The following KCNK12 variants were observed in gnomAD, a reference collection of about 807,000 sequenced individuals.
The protein encoded by KCNK12 is potassium two pore domain channel subfamily K member 12, also known as potassium channel subfamily K member 12.
A neutral mutation model predicts 25.3 loss-of-function variants in KCNK12; 6 were observed. The observed-to-expected ratio is 0.24, with a 90% CI of 0.13 to 0.47. The LOEUF is 0.47. KCNK12 is among the 20% of genes least tolerant of loss of function. The pLI, the probability that KCNK12 is intolerant of heterozygous loss-of-function variation, is 0.99. For synonymous variants in KCNK12, 331 were observed against 311.1 expected (o/e 1.06, Z -0.67); for missense variants, 444 against 661.7 (o/e 0.67, Z 3.61).
intron 1 of KCNK12, among the ~76,000 whole-genome samples, chr2:47,559,860 C>G (rs1411256399): frequency 1.3e-5 from 2 of 152,192 alleles, no homozygotes; most frequent in Non-Finnish European, 2.9e-5. Context: ...ACTGATTTCA[C>G]CTGGTAGAAA....
In KCNK12 at chr2:47,514,480, C is replaced by G. The variant is rs1668477828; in HGVS notation, c.*6427G>C. Among the ~76,000 whole-genome samples, 1 of 152,196 alleles carries G rather than the reference C, an allele frequency of 6.6e-6. No individual in the cohort carries two copies. Among genetic ancestry groups the G allele is most frequent in the Non-Finnish European group, 1.5e-5 (1 of 68,032 alleles). On this transcript the variant is annotated 3_prime_UTR_variant, in exon 2 of 2. Coordinates refer to ENST00000327876, the MANE Select transcript of KCNK12 (RefSeq NM_022055.2). This position sits in a 1 kb window ranked among gnomAD's most constrained non-coding sequence, Gnocchi z 5.0. ...GTTACTTGACCTCTCTGACCCAAGACAAAATGGGAGGAAAGTGCCAAATTT... is the reference window on the plus strand; with the variant it reads ...GTTACTTGACCTCTCTGACCCAAGAGAAAATGGGAGGAAAGTGCCAAATTT...
chr2:47,540,949 A>G lies in KCNK12; in HGVS notation c.392-19141T>C, dbSNP rs553621120. ...GGCAACAGAGTGAGACCCTGTCTCTACATAAATCAGTAAGATCCATCTGTG... is the reference window on the plus strand; with the variant it reads ...GGCAACAGAGTGAGACCCTGTCTCTGCATAAATCAGTAAGATCCATCTGTG... On this transcript the variant is annotated intron_variant, in intron 1 of 1. Transcript: ENST00000327876. This position sits in a 1 kb window ranked among gnomAD's most constrained non-coding sequence, Gnocchi z 5.4. 3.3e-5 allele frequency among the ~76,000 whole-genome samples: 5 copies of G among 152,204 alleles called. No homozygotes were observed. Among genetic ancestry groups the G allele is most frequent in the Non-Finnish European group, 7.3e-5 (5 of 68,032 alleles).
chr2:47,524,587 A>C (rs1025382304), intron 1 of KCNK12, among the ~76,000 whole-genome samples: 1 of 152,172 alleles, frequency 6.6e-6, no homozygotes, highest in Non-Finnish European at 1.5e-5. Flanking sequence ...TAAAAGTCAG[A>C]ATTGGGATTT....
At chr2:47,527,471 T>C (rs1668808637) in intron 1 of KCNK12, 2 of 152,506 alleles carry the variant, frequency 1.3e-5, no homozygotes, top group South Asian at 4.1e-4. Context: ...AGACTGCTGC[T>C]TCTGGGTGAC....
intron 1 of KCNK12, among the ~76,000 whole-genome samples, chr2:47,523,995 C>T (rs959381181): frequency 6.6e-6 from 1 of 152,196 alleles, no homozygotes; most frequent in African/African-American, 2.4e-5. Flanking sequence ...TATGTGCTAA[C>T]AATCATTTTC....
At chr2:47,559,107 G>A (rs769537140) in intron 1 of KCNK12, among the ~76,000 whole-genome samples, 5 of 152,202 alleles carry the variant, frequency 3.3e-5, no homozygotes, top group Non-Finnish European at 7.3e-5. Flanking sequence ...TGCTTTCTGA[G>A]GGTAACAAGG....
chr2:47,521,835 G>C, intron 1 of KCNK12, 27 bp from the exon 2 acceptor site: 1 of 1,484,066 alleles, frequency 6.7e-7, no homozygotes, highest in Non-Finnish European at 8.9e-7. Flanking sequence ...GGGTCAGCGC[G>C]GTCCTGGCCG....
At position 47,529,453 on chromosome 2, in the gene KCNK12, TC is replaced by T. The variant is rs1668870893; in HGVS notation, c.392-7646del. 6.6e-6 allele frequency among the ~76,000 whole-genome samples: 1 copy of T among 152,226 alleles called. No individual in the cohort carries two copies. The highest frequency in any genetic ancestry group is 2.4e-5 in the African/African-American group (1 of 41,460). On this transcript the variant is annotated intron_variant, in intron 1 of 1. Coordinates refer to ENST00000327876, the MANE Select transcript of KCNK12 (RefSeq NM_022055.2). This position sits in a 1 kb window ranked among gnomAD's most constrained non-coding sequence, Gnocchi z 4.3. The stretch of plus-strand genomic sequence containing the variant: ...AGATGACCCTATTGGTTGGAATCTG[TC>T]CAACTACAAATATTTTGATTTAAAT...
Position 47,562,967 on chromosome 2 carries a change from G to GA in KCNK12, c.391+6973dup, listed in dbSNP as rs1034063645. The GA allele has an allele frequency of 8.6e-6, 2 of 233,438 alleles. No individual in the cohort carries two copies. The highest frequency in any genetic ancestry group is 1.7e-5 in the Non-Finnish European group (2 of 118,318). The allele number at this position is 233,438 out of a possible 1,614,324, so 14.5% of individuals were successfully genotyped here. A position where few individuals can be genotyped will look rare whatever the true frequency, so the allele number is the denominator to read the frequency against. On this transcript the variant is annotated intron_variant, in intron 1 of 1. Coordinates refer to ENST00000327876, the MANE Select transcript of KCNK12 (RefSeq NM_022055.2). The surrounding 1 kb of genome is among the most constrained non-coding windows in gnomAD (Gnocchi z 4.8). ...CCCGGAAAGTCAGTGGAACTGGACG[G>GA]AAAAAATGGAAGGGCCAGAAAACTT...
chr2:47,535,172 A>T (rs540157362), intron 1 of KCNK12: 11 of 232,080 alleles, frequency 4.7e-5, no homozygotes, highest in African/African-American at 6.6e-5. Context: ...GGCTGCTTCA[A>T]AGGAGGAATA....
rs1669796460 is a variant in KCNK12 at position 47,566,874 on chromosome 2, A to T, written c.391+3067T>A. On this transcript the variant is annotated intron_variant, in intron 1 of 1. Transcript: ENST00000327876. This position sits in a 1 kb window ranked among gnomAD's most constrained non-coding sequence, Gnocchi z 4.1. ...TGTGTGACCACTGACAAGTCCCCTA[A>T]CCCTGTGCCACATGAGATTGGACCA... The T allele has an allele frequency of 6.6e-6, 1 of 152,116 alleles. No individual in the cohort carries two copies. The highest frequency in any genetic ancestry group is 6.5e-5 in the Admixed American group (1 of 15,278). 9.4% of individuals were successfully genotyped at this position (152,116 alleles called of 1,614,324 possible).
In KCNK12 at chr2:47,570,269, G is replaced by A; in HGVS notation, c.63C>T (p.Ser21=). Residue 21 remains serine, a synonymous_variant, in exon 1 of 2, where the codon TCC becomes TCT. Coordinates refer to ENST00000327876, the MANE Select transcript of KCNK12 (RefSeq NM_022055.2). ...RRSRRRLPRP[S]CCCCCCRRSH... is the part of the protein sequence containing the mutation. ...AACGGCGGCAGCAGCAGCAGCAGCA[G>A]GAGGGGCGCGGCAGGCGGCGGCGGC... 1 of 1,416,974 alleles carries A rather than the reference G, an allele frequency of 7.1e-7. No homozygotes were observed. The highest frequency in any genetic ancestry group is 9.2e-7 in the Non-Finnish European group (1 of 1,086,642). The allele number at this position is 1,416,974 out of a possible 1,614,324, so 87.8% of individuals were successfully genotyped here.
intron 1 of KCNK12, among the ~76,000 whole-genome samples, chr2:47,530,258 C>A (rs908229561): frequency 9.2e-5 from 14 of 152,142 alleles, no homozygotes; most frequent in African/African-American, 3.1e-4. Flanking sequence ...GCTGGAACTG[C>A]GACATCGCCT....
chr2:47,569,176 A>G lies in KCNK12; in HGVS notation c.391+765T>C, dbSNP rs1669839920. Among the ~76,000 whole-genome samples the G allele has an allele frequency of 6.6e-6, 1 of 152,170 alleles. No homozygotes were observed. The highest frequency in any genetic ancestry group is 2.4e-5 in the African/African-American group (1 of 41,428). On this transcript the variant is annotated intron_variant, in intron 1 of 1. Transcript: ENST00000327876. The surrounding 1 kb of genome is among the most constrained non-coding windows in gnomAD (Gnocchi z 4.1). ...CTGTTTATATCCAAAAAAAGAGAGA[A>G]GAGATGATGGAAAGAATAGGGGAAC...
Position 47,557,691 on chromosome 2 carries a change from C to A in KCNK12, c.391+12250G>T, listed in dbSNP as rs1010897378. 1.3e-5 allele frequency among the ~76,000 whole-genome samples: 2 copies of A among 152,184 alleles called. No individual in the cohort carries two copies. Among genetic ancestry groups the A allele is most frequent in the Admixed American group, 1.3e-4 (2 of 15,278 alleles). On this transcript the variant is annotated intron_variant, in intron 1 of 1. Transcript: ENST00000327876. The surrounding 1 kb of genome is among the most constrained non-coding windows in gnomAD (Gnocchi z 4.9). ...AGGCAATTTCCGTATGTTAGGCATA[C>A]AATCCAATCTCTGCTTGACTGCACC... is the stretch of plus-strand genomic sequence containing the variant.
In KCNK12 at chr2:47,570,038, C is replaced by G. The variant is rs1418539795; in HGVS notation, c.294G>C (p.Glu98Asp). The G allele has an allele frequency of 1.1e-5, 16 of 1,420,360 alleles. No individual in the cohort carries two copies. The highest frequency in any genetic ancestry group is 1.5e-5 in the Non-Finnish European group (16 of 1,087,464). The allele number at this position is 1,420,360 out of a possible 1,614,324, so 88.0% of individuals were successfully genotyped here. ...PELRAFLRHY[E>D]AALAAGVRAD... ...CGCGGACGCCGGCGGCCAGCGCGGCCTCGTAGTGCCGGAGGAAGGCGCGCA... is the reference window on the plus strand; with the variant it reads ...CGCGGACGCCGGCGGCCAGCGCGGCGTCGTAGTGCCGGAGGAAGGCGCGCA... Residue 98 changes from glutamate (E) to aspartate (D), a missense_variant, in exon 1 of 2, where the codon GAG (glutamate) becomes GAC (aspartate). By Grantham distance (45) the Glu-to-Asp change is conservative. Around this residue, in one of 8 missense-constraint regions of KCNK12, gnomAD observed 106 missense variants for 142.2 expected, o/e 0.75. Transcript: ENST00000327876.
In KCNK12 at chr2:47,562,080, C is replaced by A. The variant is rs1015969392; in HGVS notation, c.391+7861G>T. On this transcript the variant is annotated intron_variant, in intron 1 of 1. Transcript: ENST00000327876. This position sits in a 1 kb window ranked among gnomAD's most constrained non-coding sequence, Gnocchi z 4.8. ...AGTGCCTGACTCACCGCTGTTCTCTCTACCCTAGCGACTCCAAGTGCATCA... is the reference window on the plus strand; with the variant it reads ...AGTGCCTGACTCACCGCTGTTCTCTATACCCTAGCGACTCCAAGTGCATCA... 1 of 398,514 alleles carries A rather than the reference C, an allele frequency of 2.5e-6. No homozygotes were observed. The highest frequency in any genetic ancestry group is 4.4e-6 in the Non-Finnish European group (1 of 226,118). The allele number at this position is 398,514 out of a possible 1,614,324, so 24.7% of individuals were successfully genotyped here.
rs757163050 is a variant in KCNK12 at position 47,570,011 on chromosome 2, G to T, written c.321C>A (p.Ala107=). ...AGTCCCAGCGCGGGCGCAGCGCGTC[G>T]GCGCGGACGCCGGCGGCCAGCGCGG... ...YEAALAAGVR[A]DALRPRWDFP... The change falls in exon 1 of 2, where the codon GCC becomes GCA. Residue 107 remains alanine, a synonymous_variant. Coordinates refer to ENST00000327876, the MANE Select transcript of KCNK12 (RefSeq NM_022055.2). 2 of 1,430,428 alleles carry T rather than the reference G, an allele frequency of 1.4e-6. No homozygotes were observed. Among genetic ancestry groups the T allele is most frequent in the Non-Finnish European group, 1.8e-6 (2 of 1,091,728 alleles). 88.6% of individuals were successfully genotyped at this position (1,430,428 alleles called of 1,614,324 possible).
At position 47,540,174 on chromosome 2, in the gene KCNK12, G is replaced by A. The variant is rs1034765028; in HGVS notation, c.392-18366C>T. Among the ~76,000 whole-genome samples the A allele has an allele frequency of 6.6e-6, 1 of 152,228 alleles. No homozygotes were observed. Among genetic ancestry groups the A allele is most frequent in the Non-Finnish European group, 1.5e-5 (1 of 68,046 alleles). ...AGGTTAGGCCTCCACAAAGGGTGGA[G>A]CAGGGAAGAGAAGGCCTCACCGGGC... On this transcript the variant is annotated intron_variant, in intron 1 of 1. Transcript: ENST00000327876. This position sits in a 1 kb window ranked among gnomAD's most constrained non-coding sequence, Gnocchi z 5.4.
Sources: allele counts gnomAD v4.1 joint callset (sites outside exome capture counted in the v4.1 genomes callset), GRCh38; gene constraint gnomAD v4.1.1; regional missense constraint gnomAD v4.1.1; non-coding constraint Gnocchi (gnomAD v3.1); transcripts MANE v1.5; gene names NCBI Gene and HGNC (gene_info 2026-07-23, HGNC 2026-07-21).